The following TMC1 variants were observed in gnomAD, a reference collection of about 807,000 sequenced individuals.
TMC1 encodes transmembrane channel like 1.
In TMC1, 84 loss-of-function variants were observed where a neutral mutation model predicts 105.8. The ratio of observed to expected loss-of-function variants is 0.79; its 90% CI spans 0.67 to 0.95. The LOEUF (loss-of-function observed/expected upper bound fraction) is 0.95, where lower values mean the gene tolerates loss of function less well. Among genes scored for constraint, TMC1 ranks in the 40% least tolerant of loss-of-function variants. The pLI is 0.00. For missense variants in TMC1, 817 were observed against 914.1 expected (o/e 0.89, Z 1.37); for synonymous variants, 315 against 311.5 (o/e 1.01, Z -0.12).
At chr9:72,738,716 C>A (rs1309566395) in intron 8 of TMC1, among the ~76,000 whole-genome samples, 3 of 152,144 alleles carry the variant, frequency 2.0e-5, no homozygotes, top group African/African-American at 7.2e-5. Context: ...CTGTGCCTAG[C>A]CAGACCCTTC....
At chr9:72,813,340 T>C (rs1828734471) in intron 18 of TMC1, among the ~76,000 whole-genome samples, 1 of 152,202 alleles carries the variant, frequency 6.6e-6, no homozygotes, top group South Asian at 2.1e-4. Context: ...TACATATGTG[T>C]AGTTTTTCTG....
chr9:72,632,534 TAG>T lies in TMC1; in HGVS notation c.-53+4474_-53+4475del, dbSNP rs3046477. Among the ~76,000 whole-genome samples the T allele has an allele frequency of 4.4e-3, 673 of 152,186 alleles. 2 individuals are homozygous for T. The highest frequency in any genetic ancestry group is 0.016 in the African/African-American group (646 of 41,516). On this transcript the variant is annotated intron_variant, in intron 4 of 23. Transcript: ENST00000297784. The stretch of plus-strand genomic sequence containing the variant: ...GCTGGAAAAAGAAAGGTAATGGATA[TAG>T]AGGACAGAGAATGGAGTTCGAAGAT...
intron 5 of TMC1, among the ~76,000 whole-genome samples, chr9:72,687,703 T>C (rs1477809977): frequency 6.6e-6 from 1 of 152,164 alleles, no homozygotes; most frequent in South Asian, 2.1e-4. Flanking sequence ...AATATGCCCA[T>C]CAAGTTCTGA....
intron 2 of TMC1, among the ~76,000 whole-genome samples, chr9:72,586,021 A>G (rs1390661599): frequency 1.3e-5 from 2 of 152,226 alleles, no homozygotes; most frequent in Admixed American, 6.5e-5. Context: ...CAGCAGCTGC[A>G]TCGAATCTCC....
intron 13 of TMC1, among the ~76,000 whole-genome samples, chr9:72,784,204 C>G (rs1016167658): frequency 6.6e-6 from 1 of 152,070 alleles, no homozygotes; most frequent in Non-Finnish European, 1.5e-5. Context: ...CTATAAGGAA[C>G]TTAAACTAAC....
chr9:72,754,082 A>G (rs1444996173), intron 11 of TMC1, among the ~76,000 whole-genome samples: 1 of 152,128 alleles, frequency 6.6e-6, no homozygotes, highest in Non-Finnish European at 1.5e-5. Flanking sequence ...CATCTCACAG[A>G]AGAAGCAACA....
chr9:72,803,304 T>C (rs532591565), intron 17 of TMC1, among the ~76,000 whole-genome samples: 1 of 152,204 alleles, frequency 6.6e-6, no homozygotes, highest in South Asian at 2.1e-4. Context: ...GGCAATACCA[T>C]TTAGGACATA....
chr9:72,683,873 A>G (rs1189668681), intron 5 of TMC1, among the ~76,000 whole-genome samples: 18 of 149,030 alleles, frequency 1.2e-4, no homozygotes, highest in Non-Finnish European at 2.2e-4. Context: ...TTCTCACCCC[A>G]TATTTATTTT....
chr9:72,604,709 T>C (rs779656065), intron 2 of TMC1, among the ~76,000 whole-genome samples: 3 of 152,206 alleles, frequency 2.0e-5, no homozygotes, highest in African/African-American at 4.8e-5. Context: ...GTTGGGTGAA[T>C]TCAGAAATAA....
intron 5 of TMC1, among the ~76,000 whole-genome samples, chr9:72,660,903 ACGTATG>A (rs1588017898): frequency 6.6e-6 from 1 of 152,212 alleles, no homozygotes; most frequent in East Asian, 1.9e-4. Context: ...TTATACGAGA[ACGTATG>A]GGAGGCTGAG....
intron 12 of TMC1, among the ~76,000 whole-genome samples, chr9:72,758,910 CAT>C (rs36037378): frequency 0.24 from 36,023 of 151,840 alleles, 4,550 homozygotes; most frequent in East Asian, 0.38. Context: ...ATATTATACT[CAT>C]ATATTTATAG....
chr9:72,596,036 C>T (rs1257644094), intron 2 of TMC1, among the ~76,000 whole-genome samples: 3 of 151,922 alleles, frequency 2.0e-5, no homozygotes, highest in East Asian at 3.9e-4. Context: ...GCCACCACGC[C>T]CGGCTAATTT....
intron 2 of TMC1, among the ~76,000 whole-genome samples, chr9:72,578,567 G>C (rs1183709441): frequency 1.3e-5 from 2 of 152,168 alleles, no homozygotes; most frequent in Non-Finnish European, 2.9e-5. Flanking sequence ...GGCAGGCAGA[G>C]GGAGCGGCAA....
chr9:72,790,579 TATAA>T (rs1828250526), intron 15 of TMC1, among the ~76,000 whole-genome samples: 1 of 152,168 alleles, frequency 6.6e-6, no homozygotes, highest in African/African-American at 2.4e-5. Context: ...TATGTTTTTG[TATAA>T]ATAAACCATA....
At chr9:72,659,827 C>A (rs1024099889) in intron 5 of TMC1, among the ~76,000 whole-genome samples, 1 of 152,162 alleles carries the variant, frequency 6.6e-6, no homozygotes, top group Non-Finnish European at 1.5e-5. Flanking sequence ...TAAAGAATTT[C>A]TAATGGGGCA....
At chr9:72,575,182 T>C (rs957817495) in intron 1 of TMC1, among the ~76,000 whole-genome samples, 1 of 152,152 alleles carries the variant, frequency 6.6e-6, no homozygotes, top group African/African-American at 2.4e-5. Flanking sequence ...AAATTAGGTT[T>C]TTTTGTTTGT....
At chr9:72,605,983 C>A (rs1401650935) in intron 2 of TMC1, among the ~76,000 whole-genome samples, 1 of 152,122 alleles carries the variant, frequency 6.6e-6, no homozygotes, top group African/African-American at 2.4e-5. Context: ...CTTCATTTAA[C>A]CTTAATTACT....
chr9:72,729,246 A>G (rs893371128), intron 8 of TMC1, among the ~76,000 whole-genome samples: 2 of 152,174 alleles, frequency 1.3e-5, no homozygotes, highest in African/African-American at 4.8e-5. Context: ...GGTCACTCTC[A>G]TGTTTGTTGC....
chr9:72,566,614 C>T (rs956255560), intron 1 of TMC1, among the ~76,000 whole-genome samples: 1 of 152,170 alleles, frequency 6.6e-6, no homozygotes, highest in African/African-American at 2.4e-5. Flanking sequence ...GTGAAACAGG[C>T]TGCAAACAGA....
Sources: allele counts gnomAD v4.1 joint callset (sites outside exome capture counted in the v4.1 genomes callset), GRCh38; gene constraint gnomAD v4.1.1; transcripts MANE v1.5; gene names NCBI Gene and HGNC (gene_info 2026-07-23, HGNC 2026-07-21).